DNAJC13: variants seen among roughly 807,000 people sequenced by gnomAD.
The protein encoded by DNAJC13 is dnaJ homolog subfamily C member 13.
Under a neutral mutation model 290.5 loss-of-function variants are expected in DNAJC13, and 75 were observed. The ratio of observed to expected loss-of-function variants is 0.26; its 90% confidence interval spans 0.21 to 0.31. The LOEUF is 0.31. DNAJC13 is among the 10% of genes least tolerant of loss of function. DNAJC13 has a pLI of 1.00. For missense variants in DNAJC13, 2,260 were observed against 2,674.5 expected (o/e 0.85, Z 3.42); for synonymous variants, 862 against 892.0 (o/e 0.97, Z 0.60).
Position 132,473,183 on chromosome 3 carries a change from A to G in DNAJC13, c.2247A>G (p.Arg749=), listed in dbSNP as rs547886018. 3.1e-6 allele frequency: 5 copies of G among 1,611,510 alleles called. No individual in the cohort carries two copies. The African/African-American group carries it at 5.3e-5, about 17-fold the overall frequency. ...NQKPVVLRKR[R]QRIKIEANWD... is the part of the protein sequence containing the mutation. ...AGCCAGTGGTTCTTCGAAAGAGAAG[A>G]CAAAGAATAAAAATAGAAGCAAATT... Residue 749 remains arginine (R), a synonymous_variant, in exon 21 of 56, where the codon AGA becomes AGG. Coordinates refer to ENST00000260818, the MANE Select transcript of DNAJC13 (RefSeq NM_015268.4).
intron 28 of DNAJC13, 154 bp from the exon 29 acceptor site, chr3:132,484,434 A>C (rs376826981): frequency 5.3e-5 from 35 of 666,458 alleles, no homozygotes; most frequent in South Asian, 5.1e-4. Flanking sequence ...ATTTAAACCA[A>C]AATACCTAAT....
At chr3:132,474,769 T>G (rs565197303) in intron 21 of DNAJC13, among the ~76,000 whole-genome samples, 163 bp from the exon 22 acceptor site, 1 of 150,710 alleles carries the variant, frequency 6.6e-6, no homozygotes, top group South Asian at 2.1e-4. Flanking sequence ...CTCTACTTCC[T>G]TTACACAGAT....
At chr3:132,428,275 G>A (rs761220718) in intron 1 of DNAJC13, among the ~76,000 whole-genome samples, 5 of 152,220 alleles carry the variant, frequency 3.3e-5, no homozygotes, top group South Asian at 2.1e-4. Context: ...AAGTATCTTC[G>A]TGGTCTAAAA....
chr3:132,466,234 A>G (rs1208228910), intron 18 of DNAJC13, 65 bp from the exon 19 acceptor site: 2 of 1,517,998 alleles, frequency 1.3e-6, no homozygotes, highest in Admixed American at 2.1e-5. Context: ...GTATTAATTT[A>G]TTTGGGTTTT....
chr3:132,460,014 C>G (rs1157454530), intron 13 of DNAJC13, among the ~76,000 whole-genome samples: 2 of 152,010 alleles, frequency 1.3e-5, no homozygotes, highest in Non-Finnish European at 2.9e-5. Flanking sequence ...GAGAGAGTAC[C>G]TTTTGTATAT....
At chr3:132,534,944 G>C (rs1243704974) in intron 55 of DNAJC13, among the ~76,000 whole-genome samples, 1 of 152,174 alleles carries the variant, frequency 6.6e-6, no homozygotes. Context: ...CCATGATGTG[G>C]AACTCCAGGA....
At chr3:132,492,700 G>T in intron 33 of DNAJC13, 85 bp downstream of exon 33, 1 of 1,157,812 alleles carries the variant, frequency 8.6e-7, no homozygotes, top group Non-Finnish European at 1.3e-6. Flanking sequence ...CCTGCAGTAA[G>T]ATGGTTAATA....
chr3:132,453,299 A>T lies in DNAJC13; in HGVS notation c.539A>T (p.His180Leu), dbSNP rs1933478002. The T allele has an allele frequency of 1.9e-6, 3 of 1,612,642 alleles. No homozygotes were observed. Among genetic ancestry groups the T allele is most frequent in the Non-Finnish European group, 2.5e-6 (3 of 1,179,458 alleles). ...CILYGGFSRLHLFASEQREEI... is the reference protein window; with the variant it reads ...CILYGGFSRLLLFASEQREEI... Reference sequence around the variant, plus strand: ...TTTTAAATTTCTAAATTTGTGCAGCATTTATTTGCGTCAGAGCAAAGAGAA... The same window carrying T: ...TTTTAAATTTCTAAATTTGTGCAGCTTTTATTTGCGTCAGAGCAAAGAGAA... Residue 180 changes from histidine (H) to leucine (L), a missense_variant and splice_region_variant, in exon 7 of 56, where the codon CAT becomes CTT. Around this residue, in one of 3 missense-constraint regions of DNAJC13, gnomAD observed 762 missense variants for 964.1 expected, o/e 0.79. Transcript: ENST00000260818.
chr3:132,530,992 TC>T lies in DNAJC13; in HGVS notation c.6526-4del. ...TATGTTCAAAGGGCTTGTTTTACTT[TC>T]CTAGGTGAATGAAATCCTGTGCCGT... is the stretch of plus-strand genomic sequence containing the variant. On this transcript the variant is annotated splice_region_variant and splice_polypyrimidine_tract_variant and intron_variant, in intron 54 of 55. Transcript: ENST00000260818. 6.2e-7 allele frequency: 1 copy of T among 1,612,936 alleles called. No individual in the cohort carries two copies. Among genetic ancestry groups the T allele is most frequent in the East Asian group, 2.2e-5 (1 of 44,872 alleles).
intron 34 of DNAJC13, 86 bp from the exon 35 acceptor site, chr3:132,495,001 AT>A (rs1576499098): frequency 1.1e-6 from 1 of 873,464 alleles, no homozygotes; most frequent in East Asian, 2.7e-5. Flanking sequence ...TTGATATTAG[AT>A]TCTTAAAATA....
At chr3:132,422,474 C>T (rs1172924884) in intron 1 of DNAJC13, among the ~76,000 whole-genome samples, 1 of 152,176 alleles carries the variant, frequency 6.6e-6, no homozygotes, top group African/African-American at 2.4e-5. Context: ...GGCATCCTAG[C>T]CCAACCATTA....
Position 132,496,600 on chromosome 3 carries a change from G to A in DNAJC13, c.4093G>A (p.Asp1365Asn). ...TKSAKIVDGP[D>N]PENIILILKT... ...ATCAGCAAAAATAGTGGATGGGCCA[G>A]ATCCAGAGAATATAATTTTAATTCT... Residue 1365 changes from aspartate (D) to asparagine (N), a missense_variant, in exon 36 of 56, where the codon GAT becomes AAT. Physicochemically the swap from Asp to Asn is conservative, Grantham distance 23. This residue lies in a region of DNAJC13 where 1,494 missense variants were observed against 1,693.7 expected (regional missense o/e 0.88). Transcript: ENST00000260818. The A allele has an allele frequency of 1.2e-6, 2 of 1,611,402 alleles. No homozygotes were observed. Among genetic ancestry groups the A allele is most frequent in the Non-Finnish European group, 1.7e-6 (2 of 1,178,682 alleles).
intron 17 of DNAJC13, among the ~76,000 whole-genome samples, chr3:132,465,502 A>C (rs183500177): frequency 1.3e-5 from 2 of 152,318 alleles, no homozygotes; most frequent in African/African-American, 4.8e-5. Flanking sequence ...ATAATTTGCT[A>C]TAAGTGGTTT....
chr3:132,480,976 A>G (rs1024428765), intron 26 of DNAJC13, among the ~76,000 whole-genome samples: 1 of 152,182 alleles, frequency 6.6e-6, no homozygotes, highest in African/African-American at 2.4e-5. Flanking sequence ...CTATTTGAGT[A>G]TTTAGTATAT....
At position 132,502,006 on chromosome 3, in the gene DNAJC13, AAATT is replaced by A. The variant is rs1935431619; in HGVS notation, c.4537-280_4537-277del. Reference sequence around the variant, plus strand: ...ATTGATGCCATGTCACTATTTTTAAAAATTAAAAATACAAGAAGTGAAACAGGAA... The same window carrying A: ...ATTGATGCCATGTCACTATTTTTAAAAAAAATACAAGAAGTGAAACAGGAA... On this transcript the variant is annotated intron_variant, in intron 39 of 55. Coordinates refer to ENST00000260818, the MANE Select transcript of DNAJC13 (RefSeq NM_015268.4). 3.3e-5 allele frequency among the ~76,000 whole-genome samples: 5 copies of A among 152,368 alleles called. No homozygotes were observed. The South Asian group carries it at 1.0e-3, about 32-fold the overall frequency.
Position 132,491,058 on chromosome 3 carries a change from A to G in DNAJC13, c.3623+7A>G. 1 of 1,593,694 alleles carries G rather than the reference A, an allele frequency of 6.3e-7. No individual in the cohort carries two copies. The highest frequency in any genetic ancestry group is 8.5e-7 in the Non-Finnish European group (1 of 1,173,044). ...TCTGGAGCAGTGAAATGAGGTAAAT[A>G]ACCAGTTGACTGATTGATTTGTATT... is the stretch of plus-strand genomic sequence containing the variant. On this transcript the variant is annotated splice_region_variant and intron_variant, in intron 32 of 55. Transcript: ENST00000260818.
At chr3:132,525,538 A>T in intron 51 of DNAJC13, 72 bp from the exon 52 acceptor site, 2 of 1,489,420 alleles carry the variant, frequency 1.3e-6, no homozygotes, top group Non-Finnish European at 1.8e-6. Context: ...TTGAACACCA[A>T]ATACATTACC....
At chr3:132,512,124 A>G (rs1168644578) in intron 44 of DNAJC13, among the ~76,000 whole-genome samples, 2 of 152,200 alleles carry the variant, frequency 1.3e-5, no homozygotes, top group African/African-American at 2.4e-5. Context: ...TACTAGTGGT[A>G]TGTTAGGTAC....
At chr3:132,446,082 A>G (rs546782009) in intron 2 of DNAJC13, among the ~76,000 whole-genome samples, 21 of 151,530 alleles carry the variant, frequency 1.4e-4, no homozygotes, top group African/African-American at 4.6e-4. Flanking sequence ...CTTCCTTTCC[A>G]TATGGCTTTG....
Sources: allele counts gnomAD v4.1 joint callset (sites outside exome capture counted in the v4.1 genomes callset), GRCh38; gene constraint gnomAD v4.1.1; regional missense constraint gnomAD v4.1.1; transcripts MANE v1.5; gene names NCBI Gene and HGNC (gene_info 2026-07-23, HGNC 2026-07-21).